Variants in LRBA observed in about 807,000 individuals in gnomAD.
LRBA encodes the protein lipopolysaccharide-responsive and beige-like anchor protein.
A neutral mutation model predicts 330.0 loss-of-function variants in LRBA; 176 were observed. The observed-to-expected ratio is 0.53, with a 90% CI of 0.47 to 0.60. The LOEUF (loss-of-function observed/expected upper bound fraction) is 0.60, where lower values mean the gene tolerates loss of function less well. LRBA is among the 20% of genes least tolerant of loss of function. The pLI is 0.00. For missense variants in LRBA, 3,259 were observed against 3,444.8 expected (o/e 0.95, Z 1.35); for synonymous variants, 1,230 against 1,193.0 (o/e 1.03, Z -0.64).
intron 28 of LRBA, among the ~76,000 whole-genome samples, chr4:150,842,911 G>A (rs538982730): frequency 2.5e-4 from 38 of 152,184 alleles, no homozygotes; most frequent in African/African-American, 7.5e-4. Context: ...GGTAAGAGGC[G>A]GGGTGGGGGT....
intron 30 of LRBA, among the ~76,000 whole-genome samples, chr4:150,819,187 G>A (rs1287431156): frequency 6.6e-6 from 1 of 150,858 alleles, no homozygotes; most frequent in Non-Finnish European, 1.5e-5. Flanking sequence ...TATACTTTAT[G>A]GGTTTTTTTT....
chr4:150,336,182 A>G (rs1734703940), intron 48 of LRBA, among the ~76,000 whole-genome samples: 4 of 152,204 alleles, frequency 2.6e-5, no homozygotes, highest in Admixed American at 2.6e-4. Context: ...CCCCGTACCC[A>G]ATAGTTATCT....
chr4:150,927,714 C>T (rs1381211837), intron 4 of LRBA, among the ~76,000 whole-genome samples: 2 of 151,922 alleles, frequency 1.3e-5, no homozygotes, highest in Non-Finnish European at 2.9e-5. Context: ...AAGATAAACA[C>T]AAGGTAAGCT....
intron 34 of LRBA, among the ~76,000 whole-genome samples, chr4:150,786,432 C>T (rs746198973): frequency 5.3e-5 from 8 of 151,856 alleles, no homozygotes; most frequent in Non-Finnish European, 8.8e-5. Flanking sequence ...TTAGTAGAGA[C>T]GGGGTTTTGC....
At chr4:150,315,202 C>T (rs949512415) in intron 51 of LRBA, 7 of 311,702 alleles carry the variant, frequency 2.2e-5, no homozygotes, top group African/African-American at 9.0e-5. Context: ...ATCACATTAC[C>T]GGTGCACCAA....
chr4:150,519,665 C>A (rs1762724059), intron 40 of LRBA, among the ~76,000 whole-genome samples: 1 of 152,114 alleles, frequency 6.6e-6, no homozygotes. Context: ...CATTTGTGTA[C>A]TAGTCTTTTT....
chr4:150,437,469 G>A (rs1049479864), intron 44 of LRBA, among the ~76,000 whole-genome samples: 1 of 147,434 alleles, frequency 6.8e-6, no homozygotes. Context: ...TTTAACCAGA[G>A]GATTAAAAAT....
chr4:151,004,069 C>A (rs1467832359), intron 2 of LRBA, among the ~76,000 whole-genome samples: 1 of 152,060 alleles, frequency 6.6e-6, no homozygotes, highest in Non-Finnish European at 1.5e-5. Context: ...CAGGCATACA[C>A]CACGATGCCA....
intron 33 of LRBA, among the ~76,000 whole-genome samples, chr4:150,805,906 T>C (rs1388836543): frequency 1.3e-5 from 2 of 152,116 alleles, no homozygotes; most frequent in Non-Finnish European, 2.9e-5. Context: ...CAAATAACAA[T>C]GCATTCCTTA....
intron 35 of LRBA, among the ~76,000 whole-genome samples, chr4:150,746,434 T>A (rs1362903563): frequency 6.6e-6 from 1 of 151,954 alleles, no homozygotes; most frequent in Non-Finnish European, 1.5e-5. Context: ...TCCTTCTTCA[T>A]CATCCTACAG....
chr4:150,458,147 T>C (rs1441760718), intron 44 of LRBA, among the ~76,000 whole-genome samples: 1 of 151,924 alleles, frequency 6.6e-6, no homozygotes, highest in Non-Finnish European at 1.5e-5. Flanking sequence ...TATTAGAAGA[T>C]AACTTCTACA....
chr4:150,880,625 G>T (rs552573813), intron 17 of LRBA, among the ~76,000 whole-genome samples: 2 of 151,944 alleles, frequency 1.3e-5, no homozygotes, highest in South Asian at 4.2e-4. Context: ...CACCATTCTG[G>T]ACATCAGCCT....
intron 34 of LRBA, among the ~76,000 whole-genome samples, chr4:150,782,461 C>G: frequency 6.6e-6 from 1 of 152,126 alleles, no homozygotes. Context: ...TCTGGAGACT[C>G]CAGGGGAGAC....
At chr4:150,833,526 A>G (rs1747521619) in intron 28 of LRBA, among the ~76,000 whole-genome samples, 1 of 152,176 alleles carries the variant, frequency 6.6e-6, no homozygotes, top group Non-Finnish European at 1.5e-5. Context: ...TTAGTTTCCG[A>G]GTGTATATAA....
At chr4:150,701,081 A>T (rs1254452334) in intron 36 of LRBA, among the ~76,000 whole-genome samples, 1 of 152,076 alleles carries the variant, frequency 6.6e-6, no homozygotes, top group Non-Finnish European at 1.5e-5. Context: ...TCATTTTTTC[A>T]ATTTTTAAAT....
At chr4:150,683,907 A>G (rs1013734074) in intron 36 of LRBA, 190 bp from the exon 37 acceptor site, 1 of 536,454 alleles carries the variant, frequency 1.9e-6, no homozygotes, top group Non-Finnish European at 3.3e-6. Context: ...ACTTCTGTGA[A>G]GTCAATCATG....
chr4:150,730,555 G>T (rs574536945), intron 36 of LRBA, among the ~76,000 whole-genome samples: 30 of 151,896 alleles, frequency 2.0e-4, no homozygotes, highest in Middle Eastern at 3.4e-3. Context: ...TGATGGCACA[G>T]GCCTTTAATC....
At chr4:150,552,870 C>A (rs1263817769) in intron 40 of LRBA, among the ~76,000 whole-genome samples, 1 of 151,624 alleles carries the variant, frequency 6.6e-6, no homozygotes, top group Non-Finnish European at 1.5e-5. Context: ...GAGATCGAGA[C>A]CATCCTGGAT....
intron 17 of LRBA, among the ~76,000 whole-genome samples, chr4:150,890,034 G>A (rs959786634): frequency 3.9e-5 from 6 of 152,044 alleles, no homozygotes; most frequent in East Asian, 3.9e-4. Flanking sequence ...AGCCATAAAC[G>A]GGAAGAAGAC....
Sources: allele counts gnomAD v4.1 joint callset (sites outside exome capture counted in the v4.1 genomes callset), GRCh38; gene constraint gnomAD v4.1.1; transcripts MANE v1.5; gene names NCBI Gene and HGNC (gene_info 2026-07-23, HGNC 2026-07-21).